Variants in VGLL2 observed in about 807,000 individuals in gnomAD.
The protein encoded by VGLL2 is vestigial like family member 2, also known as transcription cofactor vestigial-like protein 2.
Under a neutral mutation model 27.0 loss-of-function variants are expected in VGLL2, and 18 were observed. The ratio of observed to expected loss-of-function variants is 0.67; its 90% CI spans 0.46 to 0.99. VGLL2 has a LOEUF of 0.99. VGLL2 is among the 50% of genes least tolerant of loss of function. The pLI, the probability that VGLL2 is intolerant of heterozygous loss-of-function variation, is 0.00. For synonymous variants in VGLL2, 220 were observed against 201.1 expected (o/e 1.09, Z -0.80); for missense variants, 491 against 452.3 (o/e 1.09, Z -0.78).
At chr6:117,272,404 C>G (rs1487659408) in intron 3 of VGLL2, 50 bp from the exon 4 acceptor site, 1 of 1,614,004 alleles carries the variant, frequency 6.2e-7, no homozygotes, top group East Asian at 2.2e-5. Context: ...TGATGGCACT[C>G]AGAGCTGAAA....
intron 1 of VGLL2, 25 bp from the exon 2 acceptor site, chr6:117,268,157 C>A (rs921405699): frequency 1.6e-5 from 25 of 1,607,200 alleles, no homozygotes; most frequent in Non-Finnish European, 2.0e-5. Flanking sequence ...AAATTGATAT[C>A]TCTGTTCTTT....
intron 1 of VGLL2, among the ~76,000 whole-genome samples, chr6:117,266,464 G>C (rs1377137948): frequency 2.6e-5 from 4 of 152,194 alleles, no homozygotes; most frequent in Non-Finnish European, 5.9e-5. Flanking sequence ...GAATGACCCG[G>C]CAGAGGCGAG....
intron 1 of VGLL2, among the ~76,000 whole-genome samples, chr6:117,266,344 T>C (rs1337640711): frequency 6.6e-6 from 1 of 152,256 alleles, no homozygotes; most frequent in African/African-American, 2.4e-5. Flanking sequence ...GTTTCAATTC[T>C]CTGGCGACCA....
chr6:117,270,719 G>T lies in VGLL2; in HGVS notation c.568G>T (p.Ala190Ser), dbSNP rs1359417680. Residue 190 changes from alanine (A) to serine (S), a missense_variant, in exon 3 of 4, where the codon GCC becomes TCC. By Grantham distance (99) the Ala-to-Ser change is moderately conservative. Coordinates refer to ENST00000326274, the MANE Select transcript of VGLL2 (RefSeq NM_182645.3). ...AALHGHLHQG[A>S]TEPWHHAHPH... ...GCTGCATGGCCACCTGCACCAGGGC[G>T]CCACGGAGCCCTGGCACCACGCGCA... 1.2e-5 allele frequency: 18 copies of T among 1,526,706 alleles called. No homozygotes were observed. The East Asian group carries it at 4.4e-4, about 37-fold the overall frequency. 94.6% of individuals were successfully genotyped at this position (1,526,706 alleles called of 1,614,324 possible).
At chr6:117,270,503 T>C in intron 2 of VGLL2, 40 bp from the exon 3 acceptor site, 2 of 1,538,800 alleles carry the variant, frequency 1.3e-6, no homozygotes, top group Non-Finnish European at 1.7e-6. Context: ...CACGCACCTC[T>C]TTTCCTTTCC....
At position 117,270,857 on chromosome 6, in the gene VGLL2, G is replaced by C; in HGVS notation, c.706G>C (p.Asp236His). Residue 236 changes from aspartate (D) to histidine (H), a missense_variant, in exon 3 of 4, where the codon GAC becomes CAC. Coordinates refer to ENST00000326274, the MANE Select transcript of VGLL2 (RefSeq NM_182645.3). Reference sequence around the variant, plus strand: ...GCACGAAGTCTACGCGCCGCACTTCGACCCGCGCTATGGGCCGCTGCTGAT... The same window carrying C: ...GCACGAAGTCTACGCGCCGCACTTCCACCCGCGCTATGGGCCGCTGCTGAT... ...AVHEVYAPHF[D>H]PRYGPLLMPA... is the part of the protein sequence containing the mutation. 7.1e-7 allele frequency: 1 copy of C among 1,409,604 alleles called. No individual in the cohort carries two copies. The highest frequency in any genetic ancestry group is 1.4e-5 in the South Asian group (1 of 70,530). 87.3% of individuals were successfully genotyped at this position (1,409,604 alleles called of 1,614,324 possible).
intron 2 of VGLL2, 151 bp from the exon 3 acceptor site, chr6:117,270,392 T>C: frequency 1.0e-6 from 1 of 995,006 alleles, no homozygotes; most frequent in Non-Finnish European, 1.4e-6. Flanking sequence ...AGGCGGGGGC[T>C]GCCCATCAGC....
chr6:117,270,464 C>A, intron 2 of VGLL2, 79 bp from the exon 3 acceptor site: 4 of 1,452,200 alleles, frequency 2.8e-6, no homozygotes, highest in South Asian at 1.4e-5. Flanking sequence ...GCGGGACGTG[C>A]AGGTCGGCGC....
intron 1 of VGLL2, 71 bp downstream of exon 1, chr6:117,265,915 C>T (rs1773058066): frequency 7.2e-7 from 1 of 1,392,452 alleles, no homozygotes; most frequent in Admixed American, 1.8e-5. Flanking sequence ...GCCTGTACGC[C>T]AAGGTCTGCT....
chr6:117,272,559 G>T lies in VGLL2; in HGVS notation c.*65G>T. 3 of 1,611,592 alleles carry T rather than the reference G, an allele frequency of 1.9e-6. No homozygotes were observed. The highest frequency in any genetic ancestry group is 2.5e-6 in the Non-Finnish European group (3 of 1,178,536). On this transcript the variant is annotated 3_prime_UTR_variant, in exon 4 of 4. Coordinates refer to ENST00000326274, the MANE Select transcript of VGLL2 (RefSeq NM_182645.3). ...CCAGCCTTGGAGGCTCAGCATCTGT[G>T]CCTCTCACTCCGTGGATGAGGACAT...
At chr6:117,271,807 ATCT>A (rs1773206836) in intron 3 of VGLL2, among the ~76,000 whole-genome samples, 1 of 152,200 alleles carries the variant, frequency 6.6e-6, no homozygotes, top group Admixed American at 6.5e-5. Context: ...AATAAAATAG[ATCT>A]CTTAAAAATG....
At chr6:117,269,390 C>G (rs1773134716) in intron 2 of VGLL2, among the ~76,000 whole-genome samples, 1 of 152,156 alleles carries the variant, frequency 6.6e-6, no homozygotes, top group South Asian at 2.1e-4. Context: ...AAAACAAAAA[C>G]AAATTTTCAT....
intron 3 of VGLL2, 35 bp downstream of exon 3, chr6:117,271,099 C>G: frequency 8.3e-7 from 1 of 1,207,236 alleles, no homozygotes; most frequent in African/African-American, 1.6e-5. Flanking sequence ...TCCGCGGAGC[C>G]GCTCGGCCCC....
At chr6:117,265,913 G>A (rs1256147807) in intron 1 of VGLL2, 69 bp downstream of exon 1, 3 of 1,390,240 alleles carry the variant, frequency 2.2e-6, no homozygotes, top group East Asian at 4.7e-5. Context: ...TGGCCTGTAC[G>A]CCAAGGTCTG....
chr6:117,271,119 C>G lies in VGLL2; in HGVS notation c.913+55C>G, dbSNP rs536132240. On this transcript the variant is annotated intron_variant, in intron 3 of 3. Transcript: ENST00000326274. ...GGAGCCGCTCGGCCCCGTACCCGAC[C>G]CTGGGCTGTGCCTAGACCCCTTAAT... 608 of 1,191,474 alleles carry G rather than the reference C, an allele frequency of 5.1e-4. 1 individual carries two copies. In the African/African-American group the frequency reaches 8.8e-3, roughly 17 times the overall value. 73.8% of individuals were successfully genotyped at this position (1,191,474 alleles called of 1,614,324 possible).
chr6:117,269,742 G>A (rs988683535), intron 2 of VGLL2, among the ~76,000 whole-genome samples: 7 of 152,046 alleles, frequency 4.6e-5, no homozygotes, highest in Admixed American at 4.6e-4. Context: ...TGCTGTCACG[G>A]GCTAGGAACC....
intron 3 of VGLL2, 157 bp from the exon 4 acceptor site, chr6:117,272,293 TTCTC>T (rs1158822720): frequency 6.1e-6 from 6 of 985,032 alleles, no homozygotes; most frequent in South Asian, 9.4e-5. Context: ...CTCTTTTATC[TTCTC>T]TCTATTTTCA....
intron 1 of VGLL2, among the ~76,000 whole-genome samples, chr6:117,267,873 C>G (rs1041233598): frequency 6.6e-6 from 1 of 152,176 alleles, no homozygotes; most frequent in African/African-American, 2.4e-5. Flanking sequence ...AAACTCAGCT[C>G]TAAACCTAGC....
Position 117,270,661 on chromosome 6 carries a change from C to T in VGLL2, c.510C>T (p.Pro170=), listed in dbSNP as rs1259914018. ...SPLATAHSEL[P]FAAADPYSPA... ...TGGCCACCGCGCACTCGGAGCTGCC[C>T]TTCGCCGCCGCCGACCCCTACTCGC... is the stretch of plus-strand genomic sequence containing the variant. Residue 170 remains proline, a synonymous_variant, in exon 3 of 4, where the codon CCC becomes CCT. Coordinates refer to ENST00000326274, the MANE Select transcript of VGLL2 (RefSeq NM_182645.3). 1.3e-6 allele frequency: 2 copies of T among 1,563,334 alleles called. No homozygotes were observed. The highest frequency in any genetic ancestry group is 2.8e-5 in the African/African-American group (2 of 72,220).
Sources: allele counts gnomAD v4.1 joint callset (sites outside exome capture counted in the v4.1 genomes callset), GRCh38; gene constraint gnomAD v4.1.1; transcripts MANE v1.5; gene names NCBI Gene and HGNC (gene_info 2026-07-23, HGNC 2026-07-21).